The following JADE1 variants were observed in gnomAD, a reference collection of about 807,000 sequenced individuals.
JADE1 encodes protein Jade-1.
JADE1 carries 14 observed loss-of-function variants against 81.8 expected under a neutral mutation model. That is an observed-to-expected ratio of 0.17 (90% CI 0.11 to 0.27). The LOEUF (loss-of-function observed/expected upper bound fraction) is 0.27, where lower values mean the gene tolerates loss of function less well. JADE1 is among the 10% of genes least tolerant of loss of function. The pLI, the probability that JADE1 is intolerant of heterozygous loss-of-function variation, is 1.00. For missense variants in JADE1, 690 were observed against 1,047.9 expected (o/e 0.66, Z 4.71); for synonymous variants, 353 against 391.9 (o/e 0.90, Z 1.17).
At chr4:128,819,028 CTA>C (rs1337010690) in intron 1 of JADE1, among the ~76,000 whole-genome samples, 1 of 152,088 alleles carries the variant, frequency 6.6e-6, no homozygotes, top group African/African-American at 2.4e-5. Context: ...ATGGGGTTTG[CTA>C]TGTTTCTTTG....
chr4:128,868,884 C>T (rs1214837313), intron 10 of JADE1, among the ~76,000 whole-genome samples: 5 of 152,164 alleles, frequency 3.3e-5, no homozygotes, highest in Non-Finnish European at 7.3e-5. Flanking sequence ...CTTGGACTGC[C>T]CTTTAAAGTT....
chr4:128,817,723 TTG>T, intron 1 of JADE1, among the ~76,000 whole-genome samples: 1 of 152,350 alleles, frequency 6.6e-6, no homozygotes, highest in South Asian at 2.1e-4. Context: ...GTGTTGGTGG[TTG>T]TAACTTTTTA....
intron 9 of JADE1, chr4:128,862,466 A>G: frequency 1.4e-6 from 2 of 1,384,952 alleles, no homozygotes; most frequent in Non-Finnish European, 1.9e-6. Context: ...ACACTTTCCC[A>G]TTAATCTTTA....
Position 128,859,495 on chromosome 4 carries a change from GTGTA to G in JADE1, c.981+2045_981+2048del, listed in dbSNP as rs113567356. ...CATGAGTATGCATGTGAGTATGCAT[GTGTA>G]TGTGTGTATGCGTGTGAGTATGCTT... is the stretch of plus-strand genomic sequence containing the variant. On this transcript the variant is annotated intron_variant, in intron 8 of 10. Transcript: ENST00000226319. Among the ~76,000 whole-genome samples, 216 of 152,196 alleles carry G rather than the reference GTGTA, an allele frequency of 1.4e-3. 1 individual carries two copies. The highest frequency in any genetic ancestry group is 4.9e-3 in the African/African-American group (205 of 41,506).
chr4:128,824,394 G>C (rs1009071501), intron 1 of JADE1, among the ~76,000 whole-genome samples: 10 of 151,956 alleles, frequency 6.6e-5, no homozygotes, highest in African/African-American at 2.4e-4. Flanking sequence ...CTCCAGCCTA[G>C]GTGACAGAGC....
intron 8 of JADE1, among the ~76,000 whole-genome samples, chr4:128,858,262 C>T (rs1163863106): frequency 6.6e-6 from 1 of 152,174 alleles, no homozygotes; most frequent in Admixed American, 6.5e-5. Context: ...TAAGACCCTA[C>T]TGAGAAGTTC....
chr4:128,826,562 G>GT (rs1171982853), intron 1 of JADE1, among the ~76,000 whole-genome samples: 1 of 150,884 alleles, frequency 6.6e-6, no homozygotes, highest in African/African-American at 2.4e-5. Flanking sequence ...TAGAGACGGG[G>GT]TTTTCCCATG....
In JADE1 at chr4:128,871,700, A is replaced by T. The variant is rs771958600; in HGVS notation, c.1967A>T (p.His656Leu). 1.2e-6 allele frequency: 2 copies of T among 1,614,194 alleles called. No homozygotes were observed. The highest frequency in any genetic ancestry group is 1.7e-5 in the Admixed American group (1 of 60,028). ...AAAAATGGTGTGGTGATGCCAGACCATGGGAAAAGAAGAGACAATCGTTTT... is the reference window on the plus strand; with the variant it reads ...AAAAATGGTGTGGTGATGCCAGACCTTGGGAAAAGAAGAGACAATCGTTTT... ...QQKNGVVMPD[H>L]GKRRDNRFHC... Residue 656 changes from histidine (H) to leucine (L), a missense_variant, in exon 11 of 11, where the codon CAT becomes CTT. By Grantham distance (99) the His-to-Leu change is moderately conservative (BLOSUM62 -3). This residue lies in a region of JADE1 where 218 missense variants were observed against 274.3 expected (regional missense o/e 0.79). Coordinates refer to ENST00000226319, the MANE Select transcript of JADE1 (RefSeq NM_199320.4). This position sits in a 1 kb window ranked among gnomAD's most constrained non-coding sequence, Gnocchi z 4.1.
intron 1 of JADE1, among the ~76,000 whole-genome samples, chr4:128,826,493 G>A (rs945244588): frequency 4.0e-5 from 6 of 150,922 alleles, no homozygotes; most frequent in African/African-American, 1.5e-4. Flanking sequence ...GAGTAGCTGG[G>A]ACTACAGGCA....
At chr4:128,820,255 G>A (rs1444145758) in intron 1 of JADE1, among the ~76,000 whole-genome samples, 3 of 152,074 alleles carry the variant, frequency 2.0e-5, no homozygotes, top group African/African-American at 7.2e-5. Context: ...GGGATTACAG[G>A]CATGTGCCAC....
intron 1 of JADE1, among the ~76,000 whole-genome samples, chr4:128,824,970 C>G (rs2125812111): frequency 6.6e-6 from 1 of 152,192 alleles, no homozygotes; most frequent in East Asian, 1.9e-4. Context: ...GTTTGTTTTC[C>G]TCAAATCAGT....
chr4:128,863,174 T>C (rs1048666278), intron 9 of JADE1: 2 of 985,392 alleles, frequency 2.0e-6, no homozygotes, highest in African/African-American at 1.7e-5. Flanking sequence ...CGTCTGGACG[T>C]CCCTTCCTGC....
intron 1 of JADE1, chr4:128,827,946 C>G: frequency 1.1e-6 from 1 of 947,016 alleles, no homozygotes; most frequent in Non-Finnish European, 1.3e-6. Flanking sequence ...GCCCCTTTTT[C>G]TGGCTACCTC....
Position 128,849,083 on chromosome 4 carries a change from C to A in JADE1, c.400C>A (p.Leu134Met), listed in dbSNP as rs1421853791. 1.9e-6 allele frequency: 3 copies of A among 1,614,048 alleles called. No homozygotes were observed. In the African/African-American group the frequency reaches 4.0e-5, roughly 22 times the overall value. The change falls in exon 5 of 11, where the codon CTG becomes ATG. Residue 134 changes from leucine to methionine, a missense_variant. Transcript: ENST00000226319. ...PELGYVDIRT[L>M]ADSVCRYDLN... ...GTTGGGCTATGTGGACATCCGGACG[C>A]TGGCTGACAGCGTGTGTCGCTATGA...
intron 1 of JADE1, among the ~76,000 whole-genome samples, chr4:128,819,413 C>T (rs73846992): frequency 0.011 from 1,693 of 152,238 alleles, 21 homozygotes; most frequent in African/African-American, 0.037. Context: ...GATCCTAGAT[C>T]CCTTTTGAGG....
chr4:128,866,504 T>A (rs1731789698), intron 9 of JADE1, among the ~76,000 whole-genome samples: 1 of 152,214 alleles, frequency 6.6e-6, no homozygotes, highest in Admixed American at 6.5e-5. Context: ...GCTGGAATTA[T>A]TAGGGTTTAG....
chr4:128,827,786 A>G (rs1697709111), intron 1 of JADE1: 2 of 718,540 alleles, frequency 2.8e-6, no homozygotes, highest in Middle Eastern at 7.4e-4. Flanking sequence ...CCCACAGGGC[A>G]TATGGGGACT....
intron 1 of JADE1, among the ~76,000 whole-genome samples, chr4:128,822,905 A>T (rs920840085): frequency 1.3e-5 from 2 of 152,132 alleles, no homozygotes; most frequent in South Asian, 2.1e-4. Context: ...TCCTCCTATT[A>T]TATATAAATG....
intron 1 of JADE1, among the ~76,000 whole-genome samples, chr4:128,830,229 TTGTGTGTATGTGTG>T (rs1340892352): frequency 6.9e-6 from 1 of 144,342 alleles, no homozygotes; most frequent in African/African-American, 2.8e-5. Context: ...ACTTCTATTG[TTGTGTGTATGTGTG>T]TGTGTGTATG....
Sources: gnomAD v4.1 joint callset for allele counts (sites outside exome capture counted in the v4.1 genomes callset) on GRCh38, gnomAD v4.1.1 for gene constraint, gnomAD v4.1.1 regional missense constraint, Gnocchi (gnomAD v3.1) non-coding constraint, MANE v1.5 for transcripts, NCBI Gene and HGNC (gene_info 2026-07-23, HGNC 2026-07-21) for gene names.